Variants in TMTC1 observed in about 807,000 individuals in gnomAD.
TMTC1 encodes the protein transmembrane O-mannosyltransferase targeting cadherins 1.
Under a neutral mutation model 104.8 loss-of-function variants are expected in TMTC1, and 73 were observed. The ratio of observed to expected loss-of-function variants is 0.70; its 90% CI spans 0.58 to 0.85. TMTC1 has a LOEUF of 0.85. TMTC1 is among the 40% of genes least tolerant of loss of function. The pLI is 0.00. For synonymous variants in TMTC1, 434 were observed against 428.7 expected, an observed-to-expected ratio of 1.01 and a Z score of -0.15; for missense variants, 1,035 against 1,096.1, an observed-to-expected ratio of 0.94 and a Z score of 0.79.
At chr12:29,610,175 G>C (rs1946807727) in intron 6 of TMTC1, among the ~76,000 whole-genome samples, 1 of 152,152 alleles carries the variant, frequency 6.6e-6, no homozygotes, top group African/African-American at 2.4e-5. Flanking sequence ...AAAACACGGG[G>C]ACAGGGCAGA....
intron 5 of TMTC1, among the ~76,000 whole-genome samples, chr12:29,657,329 A>G (rs1445988072): frequency 6.6e-6 from 1 of 152,244 alleles, no homozygotes; most frequent in Non-Finnish European, 1.5e-5. Flanking sequence ...ACAGCTAAAA[A>G]TATCTGGATG....
rs1264461548 is a variant in TMTC1 at position 29,500,892 on chromosome 12, G to C, written c.*5954C>G. On this transcript the variant is annotated 3_prime_UTR_variant, in exon 18 of 18. Coordinates refer to ENST00000539277, the MANE Select transcript of TMTC1 (RefSeq NM_001193451.2). ...AGACATTTACATAAATTTAATTTTGGAAAGACCTAGGCAAAGTATACATCA... is the reference window on the plus strand; with the variant it reads ...AGACATTTACATAAATTTAATTTTGCAAAGACCTAGGCAAAGTATACATCA... The C allele has an allele frequency of 2.6e-5, 4 of 152,366 alleles. No homozygotes were observed. Among genetic ancestry groups the C allele is most frequent in the African/African-American group, 9.7e-5 (4 of 41,324 alleles). 9.4% of individuals were successfully genotyped at this position (152,366 alleles called of 1,614,324 possible).
intron 11 of TMTC1, among the ~76,000 whole-genome samples, chr12:29,521,822 C>A (rs551622146): frequency 6.6e-6 from 1 of 152,140 alleles, no homozygotes; most frequent in Non-Finnish European, 1.5e-5. Flanking sequence ...CCCGTCTTGG[C>A]CTACCAAAGT....
intron 10 of TMTC1, among the ~76,000 whole-genome samples, chr12:29,541,691 C>T (rs1056062740): frequency 2.3e-5 from 3 of 130,008 alleles, no homozygotes; most frequent in Non-Finnish European, 4.6e-5. Flanking sequence ...CAGAGTCTTG[C>T]TCTGTCGCCC....
chr12:29,779,299 G>A (rs1179382612), intron 1 of TMTC1, among the ~76,000 whole-genome samples: 1 of 152,118 alleles, frequency 6.6e-6, no homozygotes, highest in Non-Finnish European at 1.5e-5. Flanking sequence ...TTTTCTTATG[G>A]TCAGCCCTAA....
At chr12:29,636,596 G>T (rs1034362367) in intron 5 of TMTC1, among the ~76,000 whole-genome samples, 1 of 152,056 alleles carries the variant, frequency 6.6e-6, no homozygotes, top group East Asian at 1.9e-4. Context: ...GAGGCGGGCG[G>T]ATCACAAGGT....
chr12:29,640,945 TG>T (rs1394698171), intron 5 of TMTC1: 1 of 152,254 alleles, frequency 6.6e-6, no homozygotes, highest in Non-Finnish European at 1.5e-5. Context: ...GTGTGGGAGC[TG>T]GGTGAGGCCT....
intron 10 of TMTC1, among the ~76,000 whole-genome samples, chr12:29,548,177 G>C (rs1592212583): frequency 1.3e-5 from 2 of 152,322 alleles, no homozygotes; most frequent in African/African-American, 2.4e-5. Context: ...ACCTAAGAGA[G>C]AGCCTGTGGT....
intron 5 of TMTC1, among the ~76,000 whole-genome samples, chr12:29,684,113 C>A (rs141367065): frequency 1.3e-5 from 2 of 152,110 alleles, no homozygotes; most frequent in African/African-American, 4.8e-5. Flanking sequence ...CAAAGTGCTG[C>A]GATTACAGGC....
intron 7 of TMTC1, among the ~76,000 whole-genome samples, chr12:29,596,276 G>T (rs938898632): frequency 6.6e-5 from 10 of 152,146 alleles, no homozygotes; most frequent in African/African-American, 2.4e-4. Flanking sequence ...CAAAGTGCTG[G>T]GATTACAGGT....
At chr12:29,700,732 G>C (rs969704609) in intron 5 of TMTC1, among the ~76,000 whole-genome samples, 11 of 152,108 alleles carry the variant, frequency 7.2e-5, no homozygotes, top group Admixed American at 3.3e-4. Context: ...TCATCAGTCA[G>C]AGCCCACTGA....
At chr12:29,510,188 G>C (rs12311987) in intron 17 of TMTC1, among the ~76,000 whole-genome samples, 6,017 of 152,196 alleles carry the variant, frequency 0.04, 376 homozygotes, top group African/African-American at 0.13. Flanking sequence ...CTATGGATTC[G>C]AGACCACAAA....
At chr12:29,670,013 G>A (rs187754063) in intron 5 of TMTC1, among the ~76,000 whole-genome samples, 173 of 152,232 alleles carry the variant, frequency 1.1e-3, no homozygotes, top group Non-Finnish European at 1.9e-3. Context: ...CACATTTGCT[G>A]TGTTTTCCGT....
intron 5 of TMTC1, among the ~76,000 whole-genome samples, chr12:29,647,421 C>A (rs959682633): frequency 6.6e-6 from 1 of 152,196 alleles, no homozygotes; most frequent in Non-Finnish European, 1.5e-5. Context: ...TCTCTTTAAA[C>A]ACACAATATA....
chr12:29,754,943 C>T (rs113013102), intron 4 of TMTC1, among the ~76,000 whole-genome samples: 43 of 152,150 alleles, frequency 2.8e-4, no homozygotes, highest in African/African-American at 9.4e-4. Context: ...TCATTTGATA[C>T]GGCAGGGGAA....
intron 5 of TMTC1, among the ~76,000 whole-genome samples, chr12:29,657,590 C>CAT (rs3036979): frequency 1 from 152,278 of 152,352 alleles, 76,102 homozygotes; most frequent in Non-Finnish European, 1. Flanking sequence ...GATACAAACA[C>CAT]GTTGGAAGTA....
At chr12:29,679,826 C>G (rs1940852505) in intron 5 of TMTC1, among the ~76,000 whole-genome samples, 1 of 151,776 alleles carries the variant, frequency 6.6e-6, no homozygotes, top group Non-Finnish European at 1.5e-5. Flanking sequence ...TTTACTGTAC[C>G]CTGTTTTGTA....
chr12:29,632,698 T>A (rs2136505802), intron 6 of TMTC1, among the ~76,000 whole-genome samples: 1 of 152,314 alleles, frequency 6.6e-6, no homozygotes, highest in South Asian at 2.1e-4. Context: ...TTGCCTTTGG[T>A]CTTTGGTCAT....
chr12:29,708,693 AAAGAC>A (rs1238357059), intron 5 of TMTC1, among the ~76,000 whole-genome samples: 7 of 152,164 alleles, frequency 4.6e-5, no homozygotes, highest in Non-Finnish European at 1.0e-4. Context: ...AATACATTCT[AAAGAC>A]AAGATATTTT....
Sources: gnomAD v4.1 joint callset for allele counts (sites outside exome capture counted in the v4.1 genomes callset) on GRCh38, gnomAD v4.1.1 for gene constraint, MANE v1.5 for transcripts, NCBI Gene and HGNC (gene_info 2026-07-23, HGNC 2026-07-21) for gene names.